The following SH3TC1 variants were observed in gnomAD, a reference collection of about 807,000 sequenced individuals.
SH3TC1 encodes SH3 domain and tetratricopeptide repeat-containing protein 1.
SH3TC1 carries 135 observed loss-of-function variants against 117.3 expected under a neutral mutation model. The ratio of observed to expected loss-of-function variants is 1.15; its 90% CI spans 1.00 to 1.33. The LOEUF is 1.33. Ranked by LOEUF, SH3TC1 falls within the 40% of genes most tolerant of loss-of-function variation. SH3TC1 has a pLI of 0.00. For synonymous variants in SH3TC1, 898 were observed against 816.9 expected (o/e 1.10, Z -1.69); for missense variants, 2,092 against 1,794.3 (o/e 1.17, Z -3.00).
At position 8,232,071 on chromosome 4, in the gene SH3TC1, C is replaced by G. The variant is rs150452099; in HGVS notation, c.3046C>G (p.Leu1016Val). The change falls in exon 13 of 18, where the codon CTG becomes GTG. Residue 1016 changes from leucine (L) to valine (V), a missense_variant. By Grantham distance (32) the Leu-to-Val change is conservative (BLOSUM62 1). Transcript: ENST00000245105. Reference protein sequence around the residue: ...CVIYHELQLSLACKVADKVLE... With the variant: ...CVIYHELQLSVACKVADKVLE... Reference sequence around the variant, plus strand: ...CATCTACCATGAGCTCCAGCTCTCCCTGGCCTGCAAGGTGGCCGACAAGGT... The same window carrying G: ...CATCTACCATGAGCTCCAGCTCTCCGTGGCCTGCAAGGTGGCCGACAAGGT... 117 of 1,613,566 alleles carry G rather than the reference C, an allele frequency of 7.3e-5. No homozygotes were observed. In the Middle Eastern group the frequency reaches 8.2e-4, roughly 11 times the overall value.
chr4:8,235,988 T>G, intron 15 of SH3TC1: 1 of 448,116 alleles, frequency 2.2e-6, no homozygotes, highest in Non-Finnish European at 4.0e-6. Flanking sequence ...CACAGATAAA[T>G]GTCGTGTTTT....
intron 7 of SH3TC1, 114 bp downstream of exon 7, chr4:8,217,281 C>G: frequency 7.8e-7 from 1 of 1,275,382 alleles, no homozygotes; most frequent in Non-Finnish European, 1.1e-6. Flanking sequence ...CCGGACAGAC[C>G]TGGCCATGGC....
intron 15 of SH3TC1, 109 bp downstream of exon 15, chr4:8,235,664 A>C: frequency 7.2e-7 from 1 of 1,389,846 alleles, no homozygotes. Flanking sequence ...AGGGCCGCCC[A>C]TGCACATGCT....
intron 12 of SH3TC1, 107 bp downstream of exon 12, chr4:8,228,751 G>A: frequency 1.0e-6 from 1 of 991,974 alleles, no homozygotes; most frequent in African/African-American, 1.6e-5. Context: ...CATCGAAAGT[G>A]CTGAGTCATG....
At position 8,188,293 on chromosome 4, in the gene SH3TC1, G is replaced by A. The variant is rs566728561; in HGVS notation, c.-57+6083G>A. Among the ~76,000 whole-genome samples, 5 of 152,322 alleles carry A rather than the reference G, an allele frequency of 3.3e-5. No individual in the cohort carries two copies. In the East Asian group the frequency reaches 5.8e-4, roughly 18 times the overall value. On this transcript the variant is annotated intron_variant, in intron 1 of 16. Transcript: ENST00000508641. ...TGAGGCCGAGTCTGGGCTCTCTAGA[G>A]GGCAGTAGGCATCTGACTCATCCAT...
rs1490336698 is a variant in SH3TC1 at position 8,205,321 on chromosome 4, T to C, written c.127T>C (p.Trp43Arg). The C allele has an allele frequency of 3.2e-6, 5 of 1,550,162 alleles. No homozygotes were observed. The highest frequency in any genetic ancestry group is 4.4e-6 in the Non-Finnish European group (5 of 1,146,980). The stretch of plus-strand genomic sequence containing the variant: ...TGTGGTCATGAGGCCCTCTGTGAGC[T>C]GGGAGAAAGCGGGGCCCGAGGAGGC... ...RTVVMRPSVS[W>R]EKAGPEEAKA... Residue 43 changes from tryptophan (W) to arginine (R), a missense_variant, in exon 2 of 18, where the codon TGG becomes CGG. Transcript: ENST00000245105. This position sits in a 1 kb window ranked among gnomAD's most constrained non-coding sequence, Gnocchi z 5.4.
In SH3TC1 at chr4:8,231,727, A is replaced by C. The variant is rs1721237610; in HGVS notation, c.2951-249A>C. On this transcript the variant is annotated intron_variant, in intron 12 of 17. Coordinates refer to ENST00000245105, the MANE Select transcript of SH3TC1 (RefSeq NM_018986.5). ...CAGAGGGGCTTTGTGAAGCAGAAATAGATGGCCTGGTGCAGGGGCCAAGCT... is the reference window on the plus strand; with the variant it reads ...CAGAGGGGCTTTGTGAAGCAGAAATCGATGGCCTGGTGCAGGGGCCAAGCT... The C allele has an allele frequency of 7.5e-6, 4 of 531,956 alleles. No homozygotes were observed. In the South Asian group the frequency reaches 1.1e-4, roughly 14 times the overall value. The allele number at this position is 531,956 out of a possible 1,614,324, so 33.0% of individuals were successfully genotyped here.
At chr4:8,221,181 C>T (rs1434904479) in intron 9 of SH3TC1, among the ~76,000 whole-genome samples, 1 of 152,204 alleles carries the variant, frequency 6.6e-6, no homozygotes, top group Non-Finnish European at 1.5e-5. Context: ...CCAAGGGAGA[C>T]CACAAATTCT....
chr4:8,203,384 G>A (rs1276732631), intron 1 of SH3TC1, among the ~76,000 whole-genome samples: 1 of 152,042 alleles, frequency 6.6e-6, no homozygotes, highest in Non-Finnish European at 1.5e-5. Context: ...TTCCCTGGGG[G>A]TTGCTGGACC....
chr4:8,202,730 G>A (rs1717922091), intron 1 of SH3TC1, among the ~76,000 whole-genome samples: 1 of 152,204 alleles, frequency 6.6e-6, no homozygotes, highest in Admixed American at 6.5e-5. Flanking sequence ...CATCCCCAGG[G>A]AGCCTTCCCT....
At chr4:8,230,801 T>C (rs1381290075) in intron 12 of SH3TC1, among the ~76,000 whole-genome samples, 2 of 137,834 alleles carry the variant, frequency 1.5e-5, no homozygotes, top group African/African-American at 5.2e-5. Context: ...TTTTTTTTTT[T>C]AGACAGAGTT....
chr4:8,229,765 C>G (rs1052937862), intron 12 of SH3TC1, among the ~76,000 whole-genome samples: 2 of 152,156 alleles, frequency 1.3e-5, no homozygotes, highest in Non-Finnish European at 1.5e-5. Context: ...GCAAGGAGAC[C>G]CTCCAGAAAC....
intron 3 of SH3TC1, among the ~76,000 whole-genome samples, chr4:8,212,238 C>A (rs1718808927): frequency 3.9e-5 from 6 of 152,160 alleles, no homozygotes; most frequent in Admixed American, 3.3e-4. Context: ...CCCCCATGGT[C>A]CCAGACTCCC....
intron 1 of SH3TC1, among the ~76,000 whole-genome samples, chr4:8,194,036 C>G (rs972199829): frequency 2.6e-5 from 4 of 152,182 alleles, no homozygotes; most frequent in African/African-American, 9.7e-5. Context: ...AAGGCAGGGC[C>G]CCTGCTCCCC....
At position 8,183,210 on chromosome 4, in the gene SH3TC1, T is replaced by C. The variant is rs943160541; in HGVS notation, c.-57+1000T>C. 6.6e-6 allele frequency among the ~76,000 whole-genome samples: 1 copy of C among 152,202 alleles called. No individual in the cohort carries two copies. Among genetic ancestry groups the C allele is most frequent in the Non-Finnish European group, 1.5e-5 (1 of 68,030 alleles). On this transcript the variant is annotated intron_variant, in intron 1 of 16. Transcript: ENST00000508641. The surrounding 1 kb of genome is among the most constrained non-coding windows in gnomAD (Gnocchi z 5.4). ...GGCAGCAGCAGCCCCAGGCGAGTTCTGTTCACTACGAAGGAGCCCGTCCTC... is the reference window on the plus strand; with the variant it reads ...GGCAGCAGCAGCCCCAGGCGAGTTCCGTTCACTACGAAGGAGCCCGTCCTC...
intron 5 of SH3TC1, chr4:8,215,066 CG>C: frequency 4.5e-6 from 2 of 440,782 alleles, no homozygotes; most frequent in Non-Finnish European, 9.3e-6. Flanking sequence ...GGAGAAATGC[CG>C]GGTAGGCGGA....
chr4:8,211,927 G>A (rs942814470), intron 3 of SH3TC1, among the ~76,000 whole-genome samples: 9 of 152,132 alleles, frequency 5.9e-5, no homozygotes, highest in Non-Finnish European at 1.3e-4. Context: ...TGCTGCCATG[G>A]GGTCCCAATG....
chr4:8,199,015 G>A (rs903699962), upstream of SH3TC1, among the ~76,000 whole-genome samples: 1 of 152,252 alleles, frequency 6.6e-6, no homozygotes, highest in African/African-American at 2.4e-5. Flanking sequence ...GAGGCAGCCG[G>A]TGGCTGGTGG....
intron 17 of SH3TC1, among the ~76,000 whole-genome samples, chr4:8,240,141 G>T (rs942900411): frequency 1.3e-5 from 2 of 152,182 alleles, no homozygotes; most frequent in Admixed American, 6.5e-5. Flanking sequence ...CTGGGAAGTG[G>T]CATCCCAACC....
Sources: allele counts gnomAD v4.1 joint callset (sites outside exome capture counted in the v4.1 genomes callset), GRCh38; gene constraint gnomAD v4.1.1; non-coding constraint Gnocchi (gnomAD v3.1); transcripts MANE v1.5; gene names NCBI Gene and HGNC (gene_info 2026-07-23, HGNC 2026-07-21).